Variants in SLCO4A1 observed in about 807,000 individuals in gnomAD.
The protein encoded by SLCO4A1 is solute carrier organic anion transporter family member 4A1, also known as colon organic anion transporter.
A neutral mutation model predicts 64.6 loss-of-function variants in SLCO4A1; 51 were observed. That is an observed-to-expected ratio of 0.79 (90% confidence interval 0.63 to 1.00). The LOEUF (loss-of-function observed/expected upper bound fraction) is 1.00. Among genes scored for constraint, SLCO4A1 ranks in the 50% least tolerant of loss-of-function variants. SLCO4A1 has a pLI of 0.00. For missense variants in SLCO4A1, 919 were observed against 980.5 expected, an observed-to-expected ratio of 0.94 and a Z score of 0.84; for synonymous variants, 471 against 444.9, an observed-to-expected ratio of 1.06 and a Z score of -0.74.
chr20:62,679,919 C>T (rs1206047322), intron 2 of SLCO4A1, among the ~76,000 whole-genome samples: 2 of 152,192 alleles, frequency 1.3e-5, no homozygotes, highest in Non-Finnish European at 2.9e-5. Flanking sequence ...GAAAGGTCTG[C>T]AGTGGATCTT....
At chr20:62,659,180 C>T (rs1050353310) in intron 3 of SLCO4A1, among the ~76,000 whole-genome samples, 2 of 151,950 alleles carry the variant, frequency 1.3e-5, no homozygotes, top group Non-Finnish European at 2.9e-5. Context: ...GGGAAAGACA[C>T]GTAGAGACAG....
chr20:62,686,844 C>T (rs1277474902), downstream of SLCO4A1, among the ~76,000 whole-genome samples: 1 of 151,900 alleles, frequency 6.6e-6, no homozygotes, highest in Non-Finnish European at 1.5e-5. Context: ...TGCCCCCGAA[C>T]AGGCACGATG....
chr20:62,679,143 G>A (rs567983463), intron 2 of SLCO4A1, among the ~76,000 whole-genome samples: 25 of 152,274 alleles, frequency 1.6e-4, no homozygotes, highest in African/African-American at 6.0e-4. Context: ...GGCAAAGGCT[G>A]CAGCAAGCCG....
In SLCO4A1 at chr20:62,668,538, C is replaced by T. The variant is rs1986796834; in HGVS notation, c.1873C>T (p.Leu625=). ...AATCCAGTGGATTGTAGTTAGAATA[C>T]TAGGTACTGTGCAGTGTGAGGAAGC... ...LGIQWIVVRI[L]GGIPGPIAFG... Residue 625 remains leucine (L), a synonymous_variant, in exon 10 of 12, where the codon CTA becomes TTA. Coordinates refer to ENST00000217159, the MANE Select transcript of SLCO4A1 (RefSeq NM_016354.4). 6.2e-7 allele frequency: 1 copy of T among 1,612,814 alleles called. No individual in the cohort carries two copies. Among genetic ancestry groups the T allele is most frequent in the Non-Finnish European group, 8.5e-7 (1 of 1,178,966 alleles).
rs1032179626 is a variant in SLCO4A1 at position 62,644,078 on chromosome 20, A to G, written c.-97+1525A>G. On this transcript the variant is annotated intron_variant, in intron 1 of 11. Transcript: ENST00000217159. This position sits in a 1 kb window ranked among gnomAD's most constrained non-coding sequence, Gnocchi z 5.4. ...CAGGGTCAGGCCGGAGACCCAGAAC[A>G]GCGTCCCAAGAGCTGGGCCTGCGGT... is the stretch of plus-strand genomic sequence containing the variant. Among the ~76,000 whole-genome samples, 26 of 152,328 alleles carry G rather than the reference A, an allele frequency of 1.7e-4. No individual in the cohort carries two copies. Among genetic ancestry groups the G allele is most frequent in the African/African-American group, 6.0e-4 (25 of 41,576 alleles).
At chr20:62,646,454 A>C (rs1981343817) in intron 1 of SLCO4A1, among the ~76,000 whole-genome samples, 1 of 152,380 alleles carries the variant, frequency 6.6e-6, no homozygotes, top group African/African-American at 2.4e-5. Flanking sequence ...CATGCAGGAA[A>C]ACATGAGTTG....
downstream of SLCO4A1, among the ~76,000 whole-genome samples, chr20:62,688,100 C>G (rs1416863042): frequency 6.6e-6 from 1 of 151,034 alleles, no homozygotes; most frequent in Non-Finnish European, 1.5e-5. Context: ...CTTCCAGGCT[C>G]TCAGCAGCAT....
intron 1 of SLCO4A1, among the ~76,000 whole-genome samples, chr20:62,648,783 C>G (rs755287417): frequency 1.3e-5 from 2 of 152,218 alleles, no homozygotes; most frequent in Non-Finnish European, 2.9e-5. Context: ...GGAATTCACT[C>G]CAGGCTCCGG....
rs1300259720 is a variant in SLCO4A1 at position 62,645,439 on chromosome 20, G to C, written c.-97+2886G>C. 6.7e-6 allele frequency among the ~76,000 whole-genome samples: 1 copy of C among 149,790 alleles called. No homozygotes were observed. Among genetic ancestry groups the C allele is most frequent in the Admixed American group, 6.6e-5 (1 of 15,154 alleles). ...GGCCCCTGCTGGCCCTTCAGGCTACGGTGAGGGTGAGGGTGCGGGTGAGGA... is the reference window on the plus strand; with the variant it reads ...GGCCCCTGCTGGCCCTTCAGGCTACCGTGAGGGTGAGGGTGCGGGTGAGGA... On this transcript the variant is annotated intron_variant, in intron 1 of 11. Transcript: ENST00000217159. The surrounding 1 kb of genome is among the most constrained non-coding windows in gnomAD (Gnocchi z 4.2).
rs1988016062 is a variant in SLCO4A1 at position 62,685,224 on chromosome 20, T to C, written n.212-217T>C. On this transcript the variant is annotated intron_variant and non_coding_transcript_variant, in intron 2 of 2. Coordinates refer to the SLCO4A1 transcript ENST00000466818. This position sits in a 1 kb window ranked among gnomAD's most constrained non-coding sequence, Gnocchi z 4.6. ...AGTGAAGCAGGCGGGCAGGGGAGGG[T>C]GGCAGCGGGGTGTGGGGGCAGGAGG... is the stretch of plus-strand genomic sequence containing the variant. 1.7e-5 allele frequency among the ~76,000 whole-genome samples: 1 copy of C among 58,774 alleles called. No homozygotes were observed. The highest frequency in any genetic ancestry group is 6.6e-5 in the African/African-American group (1 of 15,052). 38.6% of individuals were successfully genotyped at this position (58,774 alleles called of 152,430 possible).
At chr20:62,677,148 G>A (rs779971464), downstream of SLCO4A1, among the ~76,000 whole-genome samples, 2 of 152,230 alleles carry the variant, frequency 1.3e-5, no homozygotes, top group Non-Finnish European at 2.9e-5. Flanking sequence ...AAGGTGAGGC[G>A]GGAGCGACTG....
chr20:62,668,792 C>T (rs1986833406), intron 10 of SLCO4A1, 138 bp from the exon 11 acceptor site: 1 of 904,278 alleles, frequency 1.1e-6, no homozygotes, highest in East Asian at 2.6e-5. Context: ...ACGTTTAAGC[C>T]CTCTTTGCAC....
At position 62,668,202 on chromosome 20, in the gene SLCO4A1, G is replaced by A. The variant is rs764200710; in HGVS notation, c.1811+18G>A. The A allele has an allele frequency of 2.5e-6, 4 of 1,613,412 alleles. No homozygotes were observed. The African/African-American group carries it at 4.0e-5, about 16-fold the overall frequency. On this transcript the variant is annotated intron_variant, in intron 9 of 11. Coordinates refer to ENST00000217159, the MANE Select transcript of SLCO4A1 (RefSeq NM_016354.4). ...ACTCTACGGTAAGCTGGGGTCGGGT[G>A]TGCGCTTGTCCAGAGCTTTCCTTGC...
chr20:62,677,710 AG>A (rs1156684587), intron 2 of SLCO4A1, among the ~76,000 whole-genome samples: 1 of 152,262 alleles, frequency 6.6e-6, no homozygotes, highest in Non-Finnish European at 1.5e-5. Context: ...TGAGCCTGGC[AG>A]GCGATTGGGA....
intron 1 of SLCO4A1, among the ~76,000 whole-genome samples, chr20:62,655,409 C>T (rs754541295): frequency 3.3e-5 from 5 of 152,082 alleles, no homozygotes; most frequent in Admixed American, 3.3e-4. Context: ...CCTGTTTATT[C>T]GCCGGTTTAT....
chr20:62,680,734 G>A (rs1184938765), intron 2 of SLCO4A1, among the ~76,000 whole-genome samples: 1 of 152,102 alleles, frequency 6.6e-6, no homozygotes, highest in African/African-American at 2.4e-5. Flanking sequence ...ACTTGATCAT[G>A]GGCTATGCTT....
intron 2 of SLCO4A1, 21 bp from the exon 3 acceptor site, chr20:62,658,656 A>G: frequency 6.3e-7 from 1 of 1,598,708 alleles, no homozygotes; most frequent in Non-Finnish European, 8.5e-7. Context: ...AGCGGCCCTG[A>G]CGCCTCTGCC....
downstream of SLCO4A1, among the ~76,000 whole-genome samples, chr20:62,674,444 C>T (rs1987491000): frequency 6.6e-6 from 1 of 152,166 alleles, no homozygotes; most frequent in South Asian, 2.1e-4. Context: ...TGCGTCCTCA[C>T]ATCAGGGAAA....
chr20:62,650,200 C>G (rs1385283999), intron 1 of SLCO4A1: 1 of 152,288 alleles, frequency 6.6e-6, no homozygotes, highest in Non-Finnish European at 1.5e-5. Context: ...AAAACCAATT[C>G]CAAGTGGAAA....
Sources: gnomAD v4.1 joint callset for allele counts (sites outside exome capture counted in the v4.1 genomes callset) on GRCh38, gnomAD v4.1.1 for gene constraint, Gnocchi (gnomAD v3.1) non-coding constraint, MANE v1.5 for transcripts, NCBI Gene and HGNC (gene_info 2026-07-23, HGNC 2026-07-21) for gene names.